DLG2: variants seen among roughly 807,000 people sequenced by gnomAD.
The protein encoded by DLG2 is disks large homolog 2.
DLG2 carries 45 observed loss-of-function variants against 132.5 expected under a neutral mutation model. That is an observed-to-expected ratio of 0.34 (90% CI 0.27 to 0.44). The LOEUF (loss-of-function observed/expected upper bound fraction) is 0.44, where lower values mean the gene tolerates loss of function less well. Among genes scored for constraint, DLG2 ranks in the 20% least tolerant of loss-of-function variants. The pLI, the probability that DLG2 is intolerant of heterozygous loss-of-function variation, is 1.00. For missense variants in DLG2, 1,045 were observed against 1,196.9 expected (o/e 0.87, Z 1.87); for synonymous variants, 424 against 419.6 (o/e 1.01, Z -0.13).
At chr11:84,952,434 G>C (rs1006534678) in intron 6 of DLG2, among the ~76,000 whole-genome samples, 1 of 152,038 alleles carries the variant, frequency 6.6e-6, no homozygotes, top group Admixed American at 6.5e-5. Flanking sequence ...GGAGAATGGC[G>C]TGAACCCGGA....
chr11:84,860,714 C>T (rs2083485512), intron 6 of DLG2, among the ~76,000 whole-genome samples: 1 of 152,042 alleles, frequency 6.6e-6, no homozygotes, highest in South Asian at 2.1e-4. Context: ...TGTCAGTTTA[C>T]TGGCACTTGG....
intron 6 of DLG2, among the ~76,000 whole-genome samples, chr11:85,105,986 CA>C (rs34440809): frequency 1.1e-5 from 1 of 90,212 alleles, no homozygotes; most frequent in Admixed American, 1.1e-4. Context: ...GAGGAACTAC[CA>C]AAAAAAGAAA....
At chr11:85,062,163 A>G (rs2064216743) in intron 6 of DLG2, among the ~76,000 whole-genome samples, 1 of 151,836 alleles carries the variant, frequency 6.6e-6, no homozygotes, top group African/African-American at 2.4e-5. Flanking sequence ...CTTATATTCT[A>G]TATACTTATA....
chr11:85,230,322 G>A (rs1416172209), intron 4 of DLG2, among the ~76,000 whole-genome samples: 1 of 151,396 alleles, frequency 6.6e-6, no homozygotes, highest in Non-Finnish European at 1.5e-5. Context: ...TATTTTTTGT[G>A]TAGATCTAAG....
intron 7 of DLG2, among the ~76,000 whole-genome samples, chr11:84,529,790 A>G: frequency 6.6e-6 from 1 of 152,182 alleles, no homozygotes; most frequent in East Asian, 1.9e-4. Context: ...TTAGAGAAGA[A>G]CAATTAAAAT....
At chr11:84,587,457 C>A (rs1041323010) in intron 6 of DLG2, among the ~76,000 whole-genome samples, 28 of 152,278 alleles carry the variant, frequency 1.8e-4, no homozygotes, top group South Asian at 6.2e-4. Flanking sequence ...AACAGTAAAT[C>A]AAGCTTCATG....
At chr11:83,763,225 T>C (rs753661072) in intron 18 of DLG2, among the ~76,000 whole-genome samples, 2 of 152,196 alleles carry the variant, frequency 1.3e-5, no homozygotes, top group Admixed American at 6.5e-5. Flanking sequence ...GCTTGTTATA[T>C]AGGTAAACTG....
chr11:84,858,433 G>A (rs2083090064), intron 6 of DLG2, among the ~76,000 whole-genome samples: 1 of 152,020 alleles, frequency 6.6e-6, no homozygotes, highest in Non-Finnish European at 1.5e-5. Flanking sequence ...TCAAACAATG[G>A]CTCTGAAATT....
chr11:84,449,982 C>T (rs566587618), intron 7 of DLG2, among the ~76,000 whole-genome samples: 1 of 151,870 alleles, frequency 6.6e-6, no homozygotes, highest in South Asian at 2.1e-4. Flanking sequence ...AAGATGTTTT[C>T]CATCTACCAT....
At chr11:84,109,732 T>A (rs1231158069) in intron 9 of DLG2, among the ~76,000 whole-genome samples, 1 of 152,166 alleles carries the variant, frequency 6.6e-6, no homozygotes, top group Non-Finnish European at 1.5e-5. Flanking sequence ...TGTAGTCCCA[T>A]CAAATCTTCT....
intron 4 of DLG2, among the ~76,000 whole-genome samples, chr11:85,191,731 C>T (rs1007783815): frequency 2.0e-5 from 3 of 152,088 alleles, no homozygotes; most frequent in Non-Finnish European, 4.4e-5. Flanking sequence ...GTTTTTTCCT[C>T]CATCCACAGA....
chr11:84,129,994 C>T (rs548046814), intron 9 of DLG2, among the ~76,000 whole-genome samples: 1 of 152,064 alleles, frequency 6.6e-6, no homozygotes, highest in African/African-American at 2.4e-5. Context: ...AGTACAAACA[C>T]AATATTTAGT....
chr11:84,315,845 C>A (rs1247470092), intron 7 of DLG2, among the ~76,000 whole-genome samples: 7 of 152,030 alleles, frequency 4.6e-5, no homozygotes, highest in Non-Finnish European at 1.5e-5. Flanking sequence ...TTAAAATATT[C>A]TCTGCACCTG....
At chr11:84,863,105 G>A (rs754952058) in intron 6 of DLG2, among the ~76,000 whole-genome samples, 24 of 152,064 alleles carry the variant, frequency 1.6e-4, no homozygotes, top group East Asian at 7.8e-4. Context: ...ATAGCTGTAC[G>A]TATTTAATGT....
chr11:84,491,308 T>C (rs1450331765), intron 7 of DLG2, among the ~76,000 whole-genome samples: 1 of 152,022 alleles, frequency 6.6e-6, no homozygotes, highest in Non-Finnish European at 1.5e-5. Flanking sequence ...CTGATGGTTA[T>C]TATAAGGGGG....
At chr11:84,678,007 C>A (rs2099718542) in intron 6 of DLG2, among the ~76,000 whole-genome samples, 1 of 152,064 alleles carries the variant, frequency 6.6e-6, no homozygotes, top group Non-Finnish European at 1.5e-5. Flanking sequence ...TCCAAGTCTG[C>A]AGAATGCCAT....
chr11:84,092,674 C>G (rs761033228), intron 10 of DLG2, among the ~76,000 whole-genome samples: 10 of 152,116 alleles, frequency 6.6e-5, no homozygotes, highest in Non-Finnish European at 1.0e-4. Flanking sequence ...TTTATATTGG[C>G]TATGATTTCG....
intron 3 of DLG2, among the ~76,000 whole-genome samples, chr11:85,319,881 T>C (rs2080936925): frequency 6.6e-6 from 1 of 151,920 alleles, no homozygotes; most frequent in Non-Finnish European, 1.5e-5. Flanking sequence ...TTCTAAGTAG[T>C]TGAGATCTTA....
chr11:85,298,848 A>T (rs2079408203), intron 3 of DLG2, among the ~76,000 whole-genome samples: 1 of 152,162 alleles, frequency 6.6e-6, no homozygotes, highest in Non-Finnish European at 1.5e-5. Flanking sequence ...AAGAAATGGA[A>T]CAAGTTGGTC....
Sources: allele counts gnomAD v4.1 joint callset (sites outside exome capture counted in the v4.1 genomes callset), GRCh38; gene constraint gnomAD v4.1.1; transcripts MANE v1.5; gene names NCBI Gene and HGNC (gene_info 2026-07-23, HGNC 2026-07-21).